ANKRD27: variants seen among roughly 807,000 people sequenced by gnomAD.
The protein encoded by ANKRD27 is ankyrin repeat domain 27.
ANKRD27 carries 112 observed loss-of-function variants against 129.7 expected under a neutral mutation model. The ratio of observed to expected loss-of-function variants is 0.86; its 90% CI spans 0.74 to 1.01. The LOEUF (loss-of-function observed/expected upper bound fraction) is 1.01. Ranked by LOEUF, ANKRD27 falls within the 50% of genes least tolerant of loss-of-function variation. The probability of loss-of-function intolerance (pLI) is 0.00; values close to 1 mark genes in which losing one functional copy is unlikely to be tolerated. For synonymous variants in ANKRD27, 516 were observed against 511.2 expected, an observed-to-expected ratio of 1.01 and a Z score of -0.13; for missense variants, 1,258 against 1,300.5, an observed-to-expected ratio of 0.97 and a Z score of 0.50.
chr19:32,653,251 C>T (rs1334906043), intron 2 of ANKRD27, among the ~76,000 whole-genome samples: 2 of 152,146 alleles, frequency 1.3e-5, no homozygotes, highest in South Asian at 4.1e-4. Context: ...GCCCTTAGCT[C>T]GGATGAAAGT....
intron 3 of ANKRD27, among the ~76,000 whole-genome samples, chr19:32,648,973 T>G (rs901404627): frequency 1.2e-4 from 18 of 149,992 alleles, no homozygotes; most frequent in African/African-American, 2.2e-4. Flanking sequence ...GGTTTGTTTT[T>G]TTTTTTTTTT....
chr19:32,618,284 C>T (rs1013005810), intron 20 of ANKRD27, among the ~76,000 whole-genome samples: 12 of 151,486 alleles, frequency 7.9e-5, no homozygotes, highest in African/African-American at 7.3e-5. Context: ...CTTCCTAAGA[C>T]GCCAGCCACC....
chr19:32,651,198 G>A (rs1391998916), intron 2 of ANKRD27, among the ~76,000 whole-genome samples: 1 of 152,170 alleles, frequency 6.6e-6, no homozygotes, highest in Admixed American at 6.6e-5. Context: ...AAAGAAAGAA[G>A]ATCCTAGAGG....
At chr19:32,668,979 C>A (rs1967814506) in intron 1 of ANKRD27, among the ~76,000 whole-genome samples, 1 of 152,002 alleles carries the variant, frequency 6.6e-6, no homozygotes. Context: ...GCCATTCATT[C>A]ATTCATTCAT....
At chr19:32,644,593 G>A in intron 4 of ANKRD27, 114 bp from the exon 5 acceptor site, 1 of 1,237,680 alleles carries the variant, frequency 8.1e-7, no homozygotes, top group Non-Finnish European at 1.1e-6. Flanking sequence ...CTTATTTCAA[G>A]ACACTACACA....
At chr19:32,630,614 C>G (rs1966976373) in intron 13 of ANKRD27, among the ~76,000 whole-genome samples, 1 of 152,216 alleles carries the variant, frequency 6.6e-6, no homozygotes, top group Non-Finnish European at 1.5e-5. Flanking sequence ...CCGCCCAGCA[C>G]AGCTACAGCA....
chr19:32,660,956 G>A (rs902224571), intron 1 of ANKRD27, among the ~76,000 whole-genome samples: 19 of 150,312 alleles, frequency 1.3e-4, no homozygotes, highest in Non-Finnish European at 2.8e-4. Context: ...ACAGCACCTG[G>A]GGAGGATGAG....
intron 17 of ANKRD27, among the ~76,000 whole-genome samples, chr19:32,625,477 A>T (rs1439422030): frequency 6.8e-6 from 1 of 146,606 alleles, no homozygotes; most frequent in East Asian, 2.0e-4. Context: ...GTCACCCAGG[A>T]TGGAGTACAA....
At chr19:32,668,260 C>T (rs888602907) in intron 1 of ANKRD27, among the ~76,000 whole-genome samples, 1 of 152,112 alleles carries the variant, frequency 6.6e-6, no homozygotes, top group Non-Finnish European at 1.5e-5. Flanking sequence ...TCAAGCAATC[C>T]TCCCACCTTA....
intron 18 of ANKRD27, 79 bp downstream of exon 18, chr19:32,622,343 T>A (rs1396841229): frequency 6.7e-7 from 1 of 1,495,022 alleles, no homozygotes; most frequent in Admixed American, 1.7e-5. Flanking sequence ...GCACAATTTG[T>A]CTAGTAGGCC....
intron 20 of ANKRD27, 84 bp downstream of exon 20, chr19:32,619,176 G>A (rs1298384152): frequency 2.8e-5 from 43 of 1,516,260 alleles, no homozygotes; most frequent in Non-Finnish European, 3.5e-5. Context: ...GGCGGCCCTT[G>A]TCAGGCCACG....
Position 32,667,832 on chromosome 19 carries a change from C to CAAAAAAA in ANKRD27, c.-31+7232_-31+7238dup, listed in dbSNP as rs10667176. Among the ~76,000 whole-genome samples the CAAAAAAA allele has an allele frequency of 8.9e-5, 12 of 134,914 alleles. 2 individuals are homozygous for CAAAAAAA. Among genetic ancestry groups the CAAAAAAA allele is most frequent in the Non-Finnish European group, 1.1e-4 (7 of 63,484 alleles). The allele number at this position is 134,914 out of a possible 152,430, so 88.5% of individuals were successfully genotyped here. ...GGGCGACAAGAGTGAAACTCCGTCTCAAAAAAAAAAAAAAAAGTCATTAGA... is the reference window on the plus strand; with the variant it reads ...GGGCGACAAGAGTGAAACTCCGTCTCAAAAAAAAAAAAAAAAAAAAAAAGTCATTAGA... On this transcript the variant is annotated intron_variant, in intron 1 of 28. Transcript: ENST00000306065.
intron 11 of ANKRD27, among the ~76,000 whole-genome samples, chr19:32,639,882 C>A (rs541633946): frequency 6.6e-6 from 1 of 152,220 alleles, no homozygotes; most frequent in Non-Finnish European, 1.5e-5. Flanking sequence ...CAAGGGGAGG[C>A]CCCACACCTA....
chr19:32,664,633 A>AATAATAATAATG (rs1967712412), intron 1 of ANKRD27, among the ~76,000 whole-genome samples: 1 of 144,216 alleles, frequency 6.9e-6, no homozygotes. Flanking sequence ...TAATAATAAT[A>AATAATAATAATG]ATAATAATAA....
rs574455956 is a variant in ANKRD27 at position 32,605,776 on chromosome 19, T to G, written c.2493+59A>C. The G allele has an allele frequency of 6.9e-6, 11 of 1,593,242 alleles. No individual in the cohort carries two copies. In the Admixed American group the frequency reaches 7.0e-5, roughly 10 times the overall value. ...CCAGTGCGCTGCGGGGGTCGCTGGG[T>G]GGAGGCGCCCTGTTAACTGGCGCAG... On this transcript the variant is annotated intron_variant, in intron 24 of 28. Transcript: ENST00000306065.
intron 22 of ANKRD27, among the ~76,000 whole-genome samples, chr19:32,613,540 C>T (rs1228382991): frequency 6.6e-6 from 1 of 152,130 alleles, no homozygotes; most frequent in Non-Finnish European, 1.5e-5. Flanking sequence ...TAGCAACAAA[C>T]TACATGTCCT....
intron 2 of ANKRD27, among the ~76,000 whole-genome samples, chr19:32,650,317 C>T (rs1407346199): frequency 6.6e-6 from 1 of 152,130 alleles, no homozygotes; most frequent in East Asian, 1.9e-4. Context: ...TTTGAGAGGC[C>T]AAGGCAGGCG....
intron 1 of ANKRD27, among the ~76,000 whole-genome samples, chr19:32,663,782 T>C (rs1273408013): frequency 1.3e-5 from 2 of 151,906 alleles, no homozygotes; most frequent in Admixed American, 6.6e-5. Context: ...GGGGGCCGGG[T>C]GTGGTGGCTC....
intron 1 of ANKRD27, 26 bp from the exon 2 acceptor site, chr19:32,659,071 G>T: frequency 1.6e-6 from 2 of 1,232,108 alleles, no homozygotes; most frequent in African/African-American, 1.5e-5. Flanking sequence ...GAAAAGCAGT[G>T]AATAGCCATT....
Sources: gnomAD v4.1 joint callset for allele counts (sites outside exome capture counted in the v4.1 genomes callset) on GRCh38, gnomAD v4.1.1 for gene constraint, MANE v1.5 for transcripts, NCBI Gene and HGNC (gene_info 2026-07-23, HGNC 2026-07-21) for gene names.